MRAS: variants seen among roughly 807,000 people sequenced by gnomAD.
MRAS encodes ras-related protein M-Ras.
A neutral mutation model predicts 20.9 loss-of-function variants in MRAS; 4 were observed. The observed-to-expected ratio is 0.19, with a 90% CI of 0.09 to 0.44. The LOEUF is 0.44. Among genes scored for constraint, MRAS ranks in the 20% least tolerant of loss-of-function variants. MRAS has a pLI of 0.99. For missense variants in MRAS, 154 were observed against 277.5 expected (o/e 0.56, Z 3.16); for synonymous variants, 98 against 102.9 (o/e 0.95, Z 0.29).
At chr3:138,399,867 C>G (rs535547959) in intron 4 of MRAS, among the ~76,000 whole-genome samples, 1 of 152,336 alleles carries the variant, frequency 6.6e-6, no homozygotes, top group South Asian at 2.1e-4. Flanking sequence ...CAGCCCGAGG[C>G]TTGGTGCAGA....
At chr3:138,360,919 G>T (rs1051486343) in intron 1 of MRAS, among the ~76,000 whole-genome samples, 1 of 152,218 alleles carries the variant, frequency 6.6e-6, no homozygotes, top group African/African-American at 2.4e-5. Context: ...GAGGGCAGAT[G>T]AAGAGGGGCA....
At chr3:138,380,929 C>T (rs1178555154) in intron 2 of MRAS, among the ~76,000 whole-genome samples, 1 of 151,992 alleles carries the variant, frequency 6.6e-6, no homozygotes, top group Non-Finnish European at 1.5e-5. Context: ...GCCACCACAC[C>T]CAGCTAATTT....
chr3:138,352,995 A>T (rs1490367616), intron 1 of MRAS, among the ~76,000 whole-genome samples: 1 of 152,172 alleles, frequency 6.6e-6, no homozygotes, highest in Admixed American at 6.5e-5. Context: ...GAAGACCACT[A>T]CCAGTATTCA....
intron 1 of MRAS, among the ~76,000 whole-genome samples, chr3:138,358,373 C>T (rs2054378523): frequency 6.6e-6 from 1 of 151,796 alleles, no homozygotes; most frequent in African/African-American, 2.4e-5. Flanking sequence ...CATTAAATAA[C>T]TCATCTAAAA....
intron 1 of MRAS, among the ~76,000 whole-genome samples, chr3:138,367,149 G>A (rs1240315416): frequency 2.0e-5 from 3 of 152,132 alleles, no homozygotes; most frequent in Admixed American, 2.0e-4. Flanking sequence ...TGTGGATGGG[G>A]CAAGGAAATG....
intron 1 of MRAS, among the ~76,000 whole-genome samples, chr3:138,363,825 C>CCA (rs2054503171): frequency 9.7e-6 from 1 of 102,778 alleles, no homozygotes; most frequent in African/African-American, 3.6e-5. Context: ...ATTTACCCCC[C>CCA]CCCCCCCCCA....
chr3:138,366,958 G>A (rs752268998), intron 1 of MRAS, among the ~76,000 whole-genome samples: 1 of 152,248 alleles, frequency 6.6e-6, no homozygotes, highest in Non-Finnish European at 1.5e-5. Flanking sequence ...AATGGGTGCA[G>A]TGGTTTTAGG....
intron 1 of MRAS, among the ~76,000 whole-genome samples, chr3:138,360,863 C>T (rs1313812024): frequency 5.9e-5 from 9 of 152,218 alleles, no homozygotes; most frequent in Admixed American, 3.9e-4. Context: ...CACTGTCCCA[C>T]TAGCAGAGGA....
In MRAS at chr3:138,355,295, A is replaced by G. The variant is rs560502400; in HGVS notation, c.-19+6528A>G. On this transcript the variant is annotated intron_variant, in intron 1 of 5. Coordinates refer to ENST00000423968, the MANE Select transcript of MRAS (RefSeq NM_001085049.3). ...CTGCATCTGCAGTTAGAAGCTCTCCATGACGACAGGACGCAGCTTCTCACC... is the reference window on the plus strand; with the variant it reads ...CTGCATCTGCAGTTAGAAGCTCTCCGTGACGACAGGACGCAGCTTCTCACC... Among the ~76,000 whole-genome samples, 6 of 152,308 alleles carry G rather than the reference A, an allele frequency of 3.9e-5. No individual in the cohort carries two copies. In the East Asian group the frequency reaches 1.2e-3, roughly 29 times the overall value.
intron 3 of MRAS, 59 bp downstream of exon 3, chr3:138,397,536 G>GCTCT (rs371472549): frequency 1.9e-5 from 29 of 1,544,692 alleles, no homozygotes; most frequent in Admixed American, 1.3e-4. Context: ...CTCCTAGGGC[G>GCTCT]CTCTCTCTCT....
Position 138,403,220 on chromosome 3 carries a change from C to T in MRAS, c.*951C>T, listed in dbSNP as rs571730957. Reference sequence around the variant, plus strand: ...AGGGGTCTGAGGAGGCTCTGGGTTTCTCAGATCTGTCTCTTGCTGCGTTTT... The same window carrying T: ...AGGGGTCTGAGGAGGCTCTGGGTTTTTCAGATCTGTCTCTTGCTGCGTTTT... On this transcript the variant is annotated 3_prime_UTR_variant, in exon 6 of 6. Transcript: ENST00000423968. 6.6e-6 allele frequency: 1 copy of T among 152,306 alleles called. No individual in the cohort carries two copies. Among genetic ancestry groups the T allele is most frequent in the South Asian group, 2.1e-4 (1 of 4,820 alleles). The allele number at this position is 152,306 out of a possible 1,614,324, so 9.4% of individuals were successfully genotyped here.
intron 1 of MRAS, among the ~76,000 whole-genome samples, chr3:138,360,613 ATGGTATGTCCTTCGTGAGGCC>A (rs1240512049): frequency 1.3e-5 from 2 of 152,124 alleles, no homozygotes; most frequent in African/African-American, 4.8e-5. Flanking sequence ...GACTCCTCAC[ATGGTATGTCCTTCGTGAGGCC>A]TGCCACTGCA....
At chr3:138,398,408 C>T (rs539561385) in intron 3 of MRAS, 61 bp from the exon 4 acceptor site, 5 of 1,443,804 alleles carry the variant, frequency 3.5e-6, no homozygotes, top group East Asian at 2.3e-5. Flanking sequence ...GAATGTGCCA[C>T]CTTAACCAGG....
intron 1 of MRAS, among the ~76,000 whole-genome samples, chr3:138,355,717 G>A (rs1028411466): frequency 6.6e-6 from 1 of 152,196 alleles, no homozygotes; most frequent in African/African-American, 2.4e-5. Flanking sequence ...GATCACTTGT[G>A]GTCAGGAGTT....
At chr3:138,393,532 T>C (rs894623446) in intron 2 of MRAS, among the ~76,000 whole-genome samples, 4 of 152,216 alleles carry the variant, frequency 2.6e-5, no homozygotes, top group Non-Finnish European at 5.9e-5. Context: ...GTTTTTCCTT[T>C]CCATAGGGTC....
chr3:138,378,656 G>A (rs2054835000), intron 2 of MRAS, among the ~76,000 whole-genome samples: 1 of 152,166 alleles, frequency 6.6e-6, no homozygotes. Context: ...ATTCTCTCTT[G>A]TCATGAATCA....
At chr3:138,371,089 A>G (rs546333058) in intron 1 of MRAS, among the ~76,000 whole-genome samples, 2 of 152,162 alleles carry the variant, frequency 1.3e-5, no homozygotes, top group Non-Finnish European at 2.9e-5. Context: ...TTATCTCCTT[A>G]GAATAAATTC....
chr3:138,358,345 A>G (rs1439068561), intron 1 of MRAS, among the ~76,000 whole-genome samples: 1 of 152,106 alleles, frequency 6.6e-6, no homozygotes, highest in Non-Finnish European at 1.5e-5. Flanking sequence ...AAAAAAAAAA[A>G]CAAAGATATA....
intron 4 of MRAS, 26 bp downstream of exon 4, chr3:138,398,594 G>T (rs2055291501): frequency 1.2e-6 from 2 of 1,603,516 alleles, no homozygotes; most frequent in Non-Finnish European, 1.7e-6. Context: ...TGTGTAGAGG[G>T]GGTCAGGAGA....
Sources: gnomAD v4.1 joint callset for allele counts (sites outside exome capture counted in the v4.1 genomes callset) on GRCh38, gnomAD v4.1.1 for gene constraint, MANE v1.5 for transcripts, NCBI Gene and HGNC (gene_info 2026-07-23, HGNC 2026-07-21) for gene names.